ZNF385B: variants seen among roughly 807,000 people sequenced by gnomAD.
The protein encoded by ZNF385B is zinc finger protein 533.
ZNF385B carries 23 observed loss-of-function variants against 39.2 expected under a neutral mutation model. The observed-to-expected ratio is 0.59, with a 90% CI of 0.42 to 0.83. The LOEUF is 0.83. ZNF385B is among the 40% of genes least tolerant of loss of function. The pLI, the probability that ZNF385B is intolerant of heterozygous loss-of-function variation, is 0.00. For synonymous variants in ZNF385B, 205 were observed against 222.6 expected (o/e 0.92, Z 0.70); for missense variants, 552 against 598.9 (o/e 0.92, Z 0.82).
intron 5 of ZNF385B, 62 bp downstream of exon 5, chr2:179,518,466 T>G: frequency 8.5e-7 from 1 of 1,172,408 alleles, no homozygotes; most frequent in Non-Finnish European, 1.2e-6. Flanking sequence ...ATGTACGTAT[T>G]TAGATCAATC....
At chr2:179,721,729 T>C (rs1472855243) in intron 3 of ZNF385B, among the ~76,000 whole-genome samples, 1 of 151,968 alleles carries the variant, frequency 6.6e-6, no homozygotes, top group African/African-American at 2.4e-5. Context: ...ATAATATTTA[T>C]AGGATAGCTA....
At chr2:179,670,507 G>T (rs1695839571) in intron 3 of ZNF385B, among the ~76,000 whole-genome samples, 1 of 113,314 alleles carries the variant, frequency 8.8e-6, no homozygotes, top group Non-Finnish European at 1.9e-5. Context: ...AAAAAAATAG[G>T]AACTAATAGG....
At chr2:179,493,627 ACG>A (rs879720592) in intron 5 of ZNF385B, among the ~76,000 whole-genome samples, 3,099 of 109,906 alleles carry the variant, frequency 0.028, 378 homozygotes, top group Admixed American at 0.058. Flanking sequence ...ATATATGTAT[ACG>A]CATATGTATA....
At chr2:179,546,056 A>C (rs746572838) in intron 3 of ZNF385B, among the ~76,000 whole-genome samples, 34 of 152,084 alleles carry the variant, frequency 2.2e-4, no homozygotes, top group South Asian at 4.2e-4. Context: ...ATTTTTAAAG[A>C]CAAGGTCTCA....
At chr2:179,507,333 G>T (rs999717582) in intron 5 of ZNF385B, among the ~76,000 whole-genome samples, 14 of 152,198 alleles carry the variant, frequency 9.2e-5, no homozygotes, top group Non-Finnish European at 1.6e-4. Context: ...ACAAGCCCTG[G>T]TTTAGCTCTA....
chr2:179,463,291 G>A (rs2051566622), intron 6 of ZNF385B, among the ~76,000 whole-genome samples: 1 of 152,004 alleles, frequency 6.6e-6, no homozygotes, highest in Non-Finnish European at 1.5e-5. Context: ...TCTTCCATCT[G>A]CACCCATTTT....
At chr2:179,771,950 G>A (rs1195240842) in intron 1 of ZNF385B, among the ~76,000 whole-genome samples, 1 of 152,094 alleles carries the variant, frequency 6.6e-6, no homozygotes, top group Admixed American at 6.5e-5. Context: ...TCAACTCAAG[G>A]AAGCAAGATC....
chr2:179,783,804 T>TAA (rs1559191319), intron 1 of ZNF385B, among the ~76,000 whole-genome samples: 2 of 152,108 alleles, frequency 1.3e-5, no homozygotes, highest in African/African-American at 2.4e-5. Flanking sequence ...TGGTAATTAT[T>TAA]AAACAGTCAC....
chr2:179,464,462 T>C (rs1488710453), intron 6 of ZNF385B, among the ~76,000 whole-genome samples: 6 of 152,242 alleles, frequency 3.9e-5, no homozygotes, highest in Non-Finnish European at 8.8e-5. Flanking sequence ...GGTTTTCCTC[T>C]AGGATTTTTA....
At position 179,693,058 on chromosome 2, in the gene ZNF385B, G is replaced by A. The variant is rs201980840; in HGVS notation, c.298+76445C>T. Among the ~76,000 whole-genome samples, 6 of 152,300 alleles carry A rather than the reference G, an allele frequency of 3.9e-5. No individual in the cohort carries two copies. In the East Asian group the frequency reaches 1.2e-3, roughly 29 times the overall value. On this transcript the variant is annotated intron_variant, in intron 3 of 9. Transcript: ENST00000410066. ...CTCAAGAACTATTAAATCAGAGCTT[G>A]CCTTTTTAAGTTTGAGAAGCACTGA... is the stretch of plus-strand genomic sequence containing the variant.
chr2:179,604,761 C>T (rs1688668618), intron 3 of ZNF385B, among the ~76,000 whole-genome samples: 1 of 152,088 alleles, frequency 6.6e-6, no homozygotes, highest in African/African-American at 2.4e-5. Flanking sequence ...AAATACTATC[C>T]TTGTCAAAGT....
At chr2:179,683,537 G>A (rs1328329677) in intron 3 of ZNF385B, among the ~76,000 whole-genome samples, 6 of 150,924 alleles carry the variant, frequency 4.0e-5, no homozygotes, top group African/African-American at 7.3e-5. Flanking sequence ...GTGCAATGGC[G>A]CAGTCTCAGC....
intron 4 of ZNF385B, among the ~76,000 whole-genome samples, chr2:179,537,806 T>C (rs909668551): frequency 2.6e-5 from 4 of 151,944 alleles, no homozygotes; most frequent in Non-Finnish European, 5.9e-5. Flanking sequence ...TTTCTAGGCA[T>C]AGAAATCAAT....
intron 6 of ZNF385B, among the ~76,000 whole-genome samples, chr2:179,455,029 C>T (rs1574217359): frequency 6.6e-6 from 1 of 152,216 alleles, no homozygotes; most frequent in East Asian, 1.9e-4. Flanking sequence ...TAGGAATGTC[C>T]TGGGCCTTCA....
chr2:179,721,995 G>T (rs1017812198), intron 3 of ZNF385B, among the ~76,000 whole-genome samples: 6 of 151,958 alleles, frequency 3.9e-5, no homozygotes, highest in African/African-American at 7.2e-5. Flanking sequence ...ATAAATATTA[G>T]AATTATTGGA....
At chr2:179,494,656 A>T (rs554578845) in intron 5 of ZNF385B, among the ~76,000 whole-genome samples, 2 of 147,846 alleles carry the variant, frequency 1.4e-5, no homozygotes, top group Admixed American at 6.8e-5. Flanking sequence ...TTAAAAGTAT[A>T]AAAAAAAAAG....
chr2:179,564,972 C>T (rs948800090), intron 3 of ZNF385B, among the ~76,000 whole-genome samples: 12 of 152,172 alleles, frequency 7.9e-5, no homozygotes, highest in Admixed American at 1.3e-4. Context: ...TGACTTCTCC[C>T]TCTTCCTTGT....
intron 3 of ZNF385B, among the ~76,000 whole-genome samples, chr2:179,648,153 C>T (rs932112205): frequency 2.0e-4 from 31 of 152,052 alleles, no homozygotes; most frequent in Admixed American, 2.0e-3. Context: ...GGTATTGGTG[C>T]ATGGGTGGAA....
chr2:179,612,462 T>C (rs906437106), intron 3 of ZNF385B, among the ~76,000 whole-genome samples: 1 of 152,004 alleles, frequency 6.6e-6, no homozygotes, highest in African/African-American at 2.4e-5. Flanking sequence ...AGCCCAGTAA[T>C]GCTGTAGCTC....
Sources: gnomAD v4.1 joint callset for allele counts (sites outside exome capture counted in the v4.1 genomes callset) on GRCh38, gnomAD v4.1.1 for gene constraint, MANE v1.5 for transcripts, NCBI Gene and HGNC (gene_info 2026-07-23, HGNC 2026-07-21) for gene names.